SNX12: variants seen among roughly 807,000 people sequenced by gnomAD.
The protein encoded by SNX12 is sorting nexin 12, also known as sorting nexin-12.
For synonymous variants in SNX12, 47 were observed against 56.0 expected, an observed-to-expected ratio of 0.84 and a Z score of 0.71; for missense variants, 62 against 141.3, an observed-to-expected ratio of 0.44 and a Z score of 2.84.
At chrX:71,063,791 T>C (rs2092141435) in intron 1 of SNX12, among the ~76,000 whole-genome samples, 1 of 110,179 alleles carries the variant, frequency 9.1e-6, no homozygotes, top group African/African-American at 3.3e-5. Flanking sequence ...TGCTCGCTTG[T>C]GGTCCCAGCT....
At chrX:71,071,604 T>TA (rs1556315657), upstream of SNX12, among the ~76,000 whole-genome samples, 3 of 32,081 alleles carry the variant, frequency 9.4e-5, no homozygotes, top group Non-Finnish European at 1.5e-4. Context: ...TTTATATATA[T>TA]TATATATAAA....
chrX:71,070,800 T>C (rs2092169632), upstream of SNX12, among the ~76,000 whole-genome samples: 1 of 108,714 alleles, frequency 9.2e-6, no homozygotes, highest in East Asian at 2.9e-4. Context: ...GCAGTATGTA[T>C]TTTTTTTTTA....
intron 3 of SNX12, among the ~76,000 whole-genome samples, chrX:71,061,549 A>G (rs752356349): frequency 3.3e-4 from 37 of 111,701 alleles, no homozygotes; most frequent in African/African-American, 1.2e-3. Flanking sequence ...TCTGGCCAAC[A>G]TGGTGAAACC....
chrX:71,069,227 C>T (rs1282503171), upstream of SNX12, among the ~76,000 whole-genome samples: 1 of 112,161 alleles, frequency 8.9e-6, no homozygotes, highest in East Asian at 2.8e-4. Flanking sequence ...GTCATCCTTT[C>T]TCCACCTTTC....
intron 1 of SNX12, among the ~76,000 whole-genome samples, chrX:71,063,610 A>G (rs2092140376): frequency 1.8e-5 from 2 of 110,949 alleles, no homozygotes; most frequent in African/African-American, 6.6e-5. Context: ...AGAATATTAA[A>G]TAACTATGAA....
chrX:71,070,375 A>G (rs931995027), upstream of SNX12, among the ~76,000 whole-genome samples: 10 of 112,142 alleles, frequency 8.9e-5, no homozygotes, highest in African/African-American at 2.9e-4. Flanking sequence ...AAGAGATTGA[A>G]GAAATAAAAT....
upstream of SNX12, among the ~76,000 whole-genome samples, chrX:71,071,776 G>A (rs2092175026): frequency 1.2e-5 from 1 of 84,695 alleles, no homozygotes; most frequent in South Asian, 4.6e-4. Flanking sequence ...AATTTTTAAA[G>A]TCTGGAAAGA....
chrX:71,066,591 TAAA>T (rs34509177), intron 1 of SNX12, among the ~76,000 whole-genome samples: 1 of 74,003 alleles, frequency 1.4e-5, no homozygotes. Context: ...CTCCATCTCT[TAAA>T]AAAAAAAAAA....
upstream of SNX12, chrX:71,068,402 GCCAA>G: frequency 1.3e-6 from 1 of 762,320 alleles, no homozygotes; most frequent in Non-Finnish European, 1.8e-6. Context: ...AAAATAACTA[GCCAA>G]CCCACAGGCG....
At position 71,060,092 on chromosome X, in the gene SNX12, G is replaced by C. The variant is rs1340795055; in HGVS notation, c.*924C>G. 3.6e-5 allele frequency: 4 copies of C among 111,933 alleles called. No homozygotes were observed. Among genetic ancestry groups the C allele is most frequent in the Non-Finnish European group, 7.5e-5 (4 of 53,255 alleles). 9.2% of individuals were successfully genotyped at this position (111,933 alleles called of 1,213,427 possible). A position where few individuals can be genotyped will look rare whatever the true frequency, so the allele number is the denominator to read the frequency against. On this transcript the variant is annotated 3_prime_UTR_variant, in exon 4 of 4. Coordinates refer to ENST00000374274, the MANE Select transcript of SNX12 (RefSeq NM_013346.4). The stretch of plus-strand genomic sequence containing the variant: ...GGGATGGGGGAAAGGAGAATGGAAG[G>C]AAGACAGTGTTGATGCCCTTCCCTA...
At chrX:71,067,636 T>C (rs778625096) in intron 1 of SNX12, among the ~76,000 whole-genome samples, 25 of 112,369 alleles carry the variant, frequency 2.2e-4, no homozygotes, top group Admixed American at 1.8e-3. Context: ...TTCTGGAATC[T>C]ACCTTCCCTT....
At chrX:71,069,965 GAA>G (rs199991989), upstream of SNX12, among the ~76,000 whole-genome samples, 1 of 55,453 alleles carries the variant, frequency 1.8e-5, no homozygotes, top group East Asian at 3.1e-4. Flanking sequence ...AAAAGGAAAA[GAA>G]AAGAGAGAGA....
upstream of SNX12, among the ~76,000 whole-genome samples, chrX:71,072,518 A>G (rs908619561): frequency 5.4e-5 from 6 of 111,666 alleles, no homozygotes; most frequent in Non-Finnish European, 1.1e-4. Context: ...ATCATAGTGA[A>G]TTGAGAATTG....
upstream of SNX12, among the ~76,000 whole-genome samples, chrX:71,070,059 T>C (rs1230330224): frequency 2.7e-5 from 3 of 111,900 alleles, no homozygotes; most frequent in African/African-American, 6.5e-5. Context: ...TTATCGCCAA[T>C]TCAGACTGTG....
At chrX:71,062,802 G>T in intron 2 of SNX12, 52 bp downstream of exon 2, 2 of 827,056 alleles carry the variant, frequency 2.4e-6, no homozygotes, top group Non-Finnish European at 3.6e-6. Context: ...TGCCCACTCA[G>T]CCTATGCAGA....
chrX:71,060,034 T>C lies in SNX12; in HGVS notation c.*982A>G, dbSNP rs962652763. 1 of 111,710 alleles carries C rather than the reference T, an allele frequency of 9.0e-6. No homozygotes were observed. Among genetic ancestry groups the C allele is most frequent in the Non-Finnish European group, 1.9e-5 (1 of 53,147 alleles). 9.2% of individuals were successfully genotyped at this position (111,710 alleles called of 1,213,427 possible). A position where few individuals can be genotyped will look rare whatever the true frequency, so the allele number is the denominator to read the frequency against. The stretch of plus-strand genomic sequence containing the variant: ...GAGAAGTCAGAGACTGTGTGGTTGG[T>C]TTGTGTGCTTCTGCCCTGTGGCAGC... On this transcript the variant is annotated 3_prime_UTR_variant, in exon 4 of 4. Coordinates refer to ENST00000374274, the MANE Select transcript of SNX12 (RefSeq NM_013346.4).
At chrX:71,071,679 A>G (rs1367963224), upstream of SNX12, among the ~76,000 whole-genome samples, 1 of 63,797 alleles carries the variant, frequency 1.6e-5, no homozygotes, top group African/African-American at 6.2e-5. Flanking sequence ...TTATATATAA[A>G]TATATTTATA....
upstream of SNX12, among the ~76,000 whole-genome samples, chrX:71,072,206 C>T (rs2092175856): frequency 9.4e-6 from 1 of 106,658 alleles, no homozygotes; most frequent in Non-Finnish European, 1.9e-5. Context: ...TGCAGTGATC[C>T]GAGATCGAGC....
At chrX:71,066,401 C>T (rs2092153440) in intron 1 of SNX12, among the ~76,000 whole-genome samples, 1 of 110,426 alleles carries the variant, frequency 9.1e-6, no homozygotes, top group African/African-American at 3.3e-5. Flanking sequence ...ACCAGCCTGG[C>T]CAACATGGCG....
Sources: gnomAD v4.1 joint callset for allele counts (sites outside exome capture counted in the v4.1 genomes callset) on GRCh38, gnomAD v4.1.1 for gene constraint, MANE v1.5 for transcripts, NCBI Gene and HGNC (gene_info 2026-07-23, HGNC 2026-07-21) for gene names.